ROBO2: variants seen among roughly 807,000 people sequenced by gnomAD.
ROBO2 encodes roundabout homolog 2.
In ROBO2, 53 loss-of-function variants were observed where a neutral mutation model predicts 160.8. The observed-to-expected ratio is 0.33, with a 90% CI of 0.26 to 0.41. ROBO2 has a LOEUF of 0.41. ROBO2 is among the 10% of genes least tolerant of loss of function. The pLI is 1.00. For synonymous variants in ROBO2, 664 were observed against 611.7 expected, an observed-to-expected ratio of 1.09 and a Z score of -1.26; for missense variants, 1,577 against 1,722.4, an observed-to-expected ratio of 0.92 and a Z score of 1.49.
chr3:76,815,927 C>T (rs1320466980), intron 2 of ROBO2, among the ~76,000 whole-genome samples: 1 of 152,074 alleles, frequency 6.6e-6, no homozygotes, highest in African/African-American at 2.4e-5. Context: ...TATATGACAG[C>T]AAAGACACAT....
intron 14 of ROBO2, among the ~76,000 whole-genome samples, chr3:77,576,219 G>A (rs551123848): frequency 6.6e-6 from 1 of 152,208 alleles, no homozygotes; most frequent in Non-Finnish European, 1.5e-5. Flanking sequence ...AGAGGAATAG[G>A]AAAGACCAGT....
intron 17 of ROBO2, among the ~76,000 whole-genome samples, chr3:77,590,948 G>A (rs1319022676): frequency 6.6e-6 from 1 of 152,050 alleles, no homozygotes; most frequent in Admixed American, 6.6e-5. Context: ...CTCAGAAGGT[G>A]CTATGCCCTT....
At chr3:76,091,499 G>T (rs76491015) in intron 2 of ROBO2, among the ~76,000 whole-genome samples, 1 of 152,104 alleles carries the variant, frequency 6.6e-6, no homozygotes, top group Non-Finnish European at 1.5e-5. Flanking sequence ...TGGTACAGCC[G>T]CTTTGGAAGA....
At chr3:76,209,625 T>C (rs1703018529) in intron 2 of ROBO2, among the ~76,000 whole-genome samples, 1 of 152,122 alleles carries the variant, frequency 6.6e-6, no homozygotes, top group Non-Finnish European at 1.5e-5. Flanking sequence ...AAGGTAAGAT[T>C]GGTGTTAATT....
At chr3:77,248,386 G>A (rs2089971750) in intron 2 of ROBO2, among the ~76,000 whole-genome samples, 1 of 151,238 alleles carries the variant, frequency 6.6e-6, no homozygotes, top group African/African-American at 2.4e-5. Flanking sequence ...CTGAAAAACT[G>A]TCACACTGAC....
rs80173341 is a variant in ROBO2, at chr3:76,219,495, C to T, written c.109+281893C>T. Among the ~76,000 whole-genome samples the T allele has an allele frequency of 1.1e-4, 17 of 152,066 alleles. 1 individual carries two copies. Among genetic ancestry groups the T allele is most frequent in the Admixed American group, 7.2e-4 (11 of 15,274 alleles). On this transcript the variant is annotated intron_variant, in intron 2 of 26. Transcript: ENST00000487694. ...AATTTACAAGAAGAAAACAAACAAC[C>T]CCATCAAAAAGTGGGCGAAGGACAT...
intron 6 of ROBO2, among the ~76,000 whole-genome samples, chr3:77,539,672 G>A (rs2153642152): frequency 6.6e-6 from 1 of 152,066 alleles, no homozygotes; most frequent in African/African-American, 2.4e-5. Flanking sequence ...ACTGTTTTGG[G>A]CTTTTCTAGG....
intron 2 of ROBO2, among the ~76,000 whole-genome samples, chr3:76,126,382 T>C (rs1011565592): frequency 1.3e-5 from 2 of 152,230 alleles, no homozygotes; most frequent in African/African-American, 4.8e-5. Context: ...ATAAAGCTTA[T>C]ATATTCACGG....
At chr3:76,272,847 T>A (rs1197960847) in intron 2 of ROBO2, among the ~76,000 whole-genome samples, 3 of 2,608 alleles carry the variant, frequency 1.2e-3, no homozygotes, top group Non-Finnish European at 1.4e-3. Flanking sequence ...ATATTATATA[T>A]TATATATAAA....
Position 77,493,409 on chromosome 3 carries a change from T to A in ROBO2, c.806+27T>A, listed in dbSNP as rs1266225094. 6.2e-6 allele frequency: 10 copies of A among 1,612,438 alleles called. No homozygotes were observed. In the South Asian group the frequency reaches 9.9e-5, roughly 16 times the overall value. On this transcript the variant is annotated intron_variant, in intron 5 of 25. Coordinates refer to ENST00000461745, the Ensembl canonical transcript of ROBO2. ...TAAGACCAACATATGGATGGAAGATTGTTAGATAACCAATGAATAATTAGA... is the reference window on the plus strand; with the variant it reads ...TAAGACCAACATATGGATGGAAGATAGTTAGATAACCAATGAATAATTAGA...
chr3:77,071,095 G>A (rs1358309251), intron 1 of ROBO2, among the ~76,000 whole-genome samples: 1 of 152,168 alleles, frequency 6.6e-6, no homozygotes, highest in African/African-American at 2.4e-5. Context: ...GCTGTGAAAG[G>A]AAAGTCCCTT....
At chr3:77,387,153 C>A (rs1179092614) in intron 2 of ROBO2, among the ~76,000 whole-genome samples, 1 of 151,596 alleles carries the variant, frequency 6.6e-6, no homozygotes, top group East Asian at 2.0e-4. Context: ...CATTTTTACA[C>A]CAAATATCAG....
intron 2 of ROBO2, among the ~76,000 whole-genome samples, chr3:77,287,952 A>C (rs2060723540): frequency 6.6e-6 from 1 of 152,204 alleles, no homozygotes; most frequent in Non-Finnish European, 1.5e-5. Context: ...TATGTATAAA[A>C]TTGGCAGTTG....
At chr3:77,122,710 T>G (rs2074897859) in intron 2 of ROBO2, among the ~76,000 whole-genome samples, 1 of 152,208 alleles carries the variant, frequency 6.6e-6, no homozygotes, top group African/African-American at 2.4e-5. Context: ...TTCTCAGATC[T>G]GTTCCACATG....
intron 2 of ROBO2, among the ~76,000 whole-genome samples, chr3:76,079,911 A>G (rs1194900374): frequency 1.3e-5 from 2 of 152,196 alleles, no homozygotes; most frequent in Non-Finnish European, 2.9e-5. Flanking sequence ...AAATCTTGTA[A>G]TCTGGAAAAT....
chr3:76,145,422 A>C (rs1267224407), intron 2 of ROBO2, among the ~76,000 whole-genome samples: 1 of 152,050 alleles, frequency 6.6e-6, no homozygotes, highest in South Asian at 2.1e-4. Context: ...CCAGATATGC[A>C]AAAGCTTGGG....
At chr3:77,553,022 G>A (rs1411710111) in intron 8 of ROBO2, among the ~76,000 whole-genome samples, 2 of 151,982 alleles carry the variant, frequency 1.3e-5, no homozygotes, top group East Asian at 3.9e-4. Flanking sequence ...ACCTTCCTTT[G>A]TTGTACTTTG....
intron 1 of ROBO2, among the ~76,000 whole-genome samples, chr3:77,078,179 A>C (rs1317867668): frequency 6.6e-6 from 1 of 152,216 alleles, no homozygotes; most frequent in Non-Finnish European, 1.5e-5. Context: ...TTGCTATTGA[A>C]AAGGAAAATA....
rs150808872 is a variant in ROBO2, at chr3:76,232,666, T to C, written c.109+295064T>C. 3.6e-3 allele frequency among the ~76,000 whole-genome samples: 549 copies of C among 152,310 alleles called. 7 individuals carry two copies. Among genetic ancestry groups the C allele is most frequent in the Admixed American group, 0.025 (382 of 15,294 alleles). ...TTAAACAGTAATTCCATCTTAACAG[T>C]TGATGCTGTTAACTGTATATCAATG... On this transcript the variant is annotated intron_variant, in intron 2 of 26. Coordinates refer to the ROBO2 transcript ENST00000487694.
Sources: gnomAD v4.1 joint callset for allele counts (sites outside exome capture counted in the v4.1 genomes callset) on GRCh38, gnomAD v4.1.1 for gene constraint, MANE v1.5 for transcripts, NCBI Gene and HGNC (gene_info 2026-07-23, HGNC 2026-07-21) for gene names.